Variants in KCNMA1 observed in about 807,000 individuals in gnomAD.
KCNMA1 encodes Calcium-activated potassium channel subunit alpha-1.
A neutral mutation model predicts 140.0 loss-of-function variants in KCNMA1; 29 were observed. The ratio of observed to expected loss-of-function variants is 0.21; its 90% CI spans 0.15 to 0.28. KCNMA1 has a LOEUF of 0.28. Among genes scored for constraint, KCNMA1 ranks in the 10% least tolerant of loss-of-function variants. The pLI, the probability that KCNMA1 is intolerant of heterozygous loss-of-function variation, is 1.00. For synonymous variants in KCNMA1, 612 were observed against 611.9 expected (o/e 1.00, Z 0.00); for missense variants, 880 against 1,602.2 (o/e 0.55, Z 7.70).
intron 26 of KCNMA1, 59 bp from the exon 27 acceptor site, chr10:76,889,628 G>C (rs752160025): frequency 7.3e-7 from 1 of 1,361,354 alleles, no homozygotes; most frequent in Non-Finnish European, 1.1e-6. Flanking sequence ...AAAATCAAGG[G>C]ACAGCAGGGA....
intron 1 of KCNMA1, among the ~76,000 whole-genome samples, chr10:77,509,848 G>A (rs2047706239): frequency 1.3e-5 from 2 of 152,086 alleles, no homozygotes; most frequent in Non-Finnish European, 2.9e-5. Flanking sequence ...CAATGCTGCT[G>A]GGCTAACAGT....
chr10:76,960,120 C>T (rs942507350), intron 20 of KCNMA1, among the ~76,000 whole-genome samples: 7 of 152,314 alleles, frequency 4.6e-5, no homozygotes, highest in Non-Finnish European at 7.3e-5. Flanking sequence ...AAACCAGCAT[C>T]GCAGGCATTT....
At chr10:76,979,130 T>A (rs75730328) in intron 19 of KCNMA1, among the ~76,000 whole-genome samples, 2,723 of 152,310 alleles carry the variant, frequency 0.018, 88 homozygotes, top group African/African-American at 0.063. Flanking sequence ...CCCACAGAAC[T>A]GGACAAGGCA....
At chr10:77,207,849 G>A (rs905925523) in intron 3 of KCNMA1, among the ~76,000 whole-genome samples, 9 of 152,194 alleles carry the variant, frequency 5.9e-5, no homozygotes, top group African/African-American at 2.2e-4. Flanking sequence ...GTTAGTCCCT[G>A]CTGACAACTT....
At chr10:76,996,339 C>T (rs547974550) in intron 19 of KCNMA1, among the ~76,000 whole-genome samples, 5 of 152,330 alleles carry the variant, frequency 3.3e-5, no homozygotes, top group African/African-American at 1.2e-4. Context: ...GTGGCTATCA[C>T]AAAATCAAGC....
chr10:77,068,139 C>T (rs1024093255), intron 14 of KCNMA1, among the ~76,000 whole-genome samples: 20 of 152,128 alleles, frequency 1.3e-4, no homozygotes, highest in African/African-American at 4.6e-4. Flanking sequence ...TCTCTTAACC[C>T]ATAGTGCCTG....
intron 1 of KCNMA1, among the ~76,000 whole-genome samples, chr10:77,497,173 C>T (rs1003209656): frequency 1.3e-5 from 2 of 152,204 alleles, no homozygotes; most frequent in African/African-American, 4.8e-5. Flanking sequence ...TGCATTCTTA[C>T]TTGATGAATT....
intron 2 of KCNMA1, among the ~76,000 whole-genome samples, chr10:77,296,855 C>T (rs918607111): frequency 6.8e-6 from 1 of 146,000 alleles, no homozygotes; most frequent in Non-Finnish European, 1.5e-5. Context: ...GAGGTCCTAC[C>T]TGCCGATCTG....
chr10:77,621,154 G>T (rs1227851183), intron 1 of KCNMA1, among the ~76,000 whole-genome samples: 4 of 152,216 alleles, frequency 2.6e-5, no homozygotes, highest in African/African-American at 7.2e-5. Flanking sequence ...CCAGGCCACG[G>T]AGGTGGAGAG....
chr10:77,370,401 CA>C (rs924107720), intron 2 of KCNMA1, among the ~76,000 whole-genome samples: 12 of 149,920 alleles, frequency 8.0e-5, no homozygotes, highest in East Asian at 7.8e-4. Flanking sequence ...TATTTCCTAC[CA>C]AAAAAAAAGC....
chr10:76,933,486 C>T (rs887864943), intron 23 of KCNMA1, among the ~76,000 whole-genome samples: 4 of 152,230 alleles, frequency 2.6e-5, no homozygotes, highest in African/African-American at 9.6e-5. Flanking sequence ...TTGGTTATAC[C>T]ATTAGTACAC....
intron 15 of KCNMA1, among the ~76,000 whole-genome samples, chr10:77,033,385 G>C (rs1054410490): frequency 1.3e-5 from 2 of 151,810 alleles, no homozygotes; most frequent in African/African-American, 4.8e-5. Context: ...GGAGTGGGAA[G>C]GTTTCAGAAT....
At chr10:77,376,948 A>AATACATACATACATAC (rs66548732) in intron 2 of KCNMA1, among the ~76,000 whole-genome samples, 65,266 of 148,204 alleles carry the variant, frequency 0.44, 14,794 homozygotes, top group Non-Finnish European at 0.5. Flanking sequence ...AAAATAAATA[A>AATACATACATACATAC]ATACATACAT....
intron 1 of KCNMA1, among the ~76,000 whole-genome samples, chr10:77,460,531 G>GCACA (rs59284219): frequency 0.031 from 4,635 of 147,886 alleles, 175 homozygotes; most frequent in African/African-American, 0.084. Context: ...GTACACACGT[G>GCACA]CACACACACA....
chr10:77,223,377 C>A (rs778541793), intron 3 of KCNMA1, among the ~76,000 whole-genome samples: 3 of 152,198 alleles, frequency 2.0e-5, no homozygotes. Context: ...AGTTAACCTG[C>A]ACATCTGTAT....
chr10:77,511,104 A>T (rs1231923962), intron 1 of KCNMA1, among the ~76,000 whole-genome samples: 2 of 152,214 alleles, frequency 1.3e-5, no homozygotes, highest in Non-Finnish European at 2.9e-5. Context: ...CTCAAAATTC[A>T]TAGAGCATGA....
chr10:77,372,290 T>A (rs533223336), intron 2 of KCNMA1, among the ~76,000 whole-genome samples: 1 of 152,240 alleles, frequency 6.6e-6, no homozygotes, highest in Admixed American at 6.5e-5. Flanking sequence ...CCACGATTGT[T>A]CCCATCGCTG....
intron 2 of KCNMA1, among the ~76,000 whole-genome samples, chr10:77,307,868 T>C (rs2078218498): frequency 6.6e-6 from 1 of 152,174 alleles, no homozygotes; most frequent in Admixed American, 6.5e-5. Flanking sequence ...TTTTAACTTA[T>C]GATATTTTCA....
intron 1 of KCNMA1, among the ~76,000 whole-genome samples, chr10:77,561,381 G>A (rs768637476): frequency 5.3e-5 from 8 of 152,192 alleles, no homozygotes; most frequent in Non-Finnish European, 7.3e-5. Flanking sequence ...GCTTGATACA[G>A]TTGGTGCTAT....
Sources: gnomAD v4.1 joint callset for allele counts (sites outside exome capture counted in the v4.1 genomes callset) on GRCh38, gnomAD v4.1.1 for gene constraint, MANE v1.5 for transcripts, NCBI Gene and HGNC (gene_info 2026-07-23, HGNC 2026-07-21) for gene names.